FYTTD1: variants seen among roughly 807,000 people sequenced by gnomAD.
The protein encoded by FYTTD1 is UAP56-interacting factor.
A neutral mutation model predicts 40.9 loss-of-function variants in FYTTD1; 22 were observed. The observed-to-expected ratio is 0.54, with a 90% confidence interval of 0.38 to 0.77. The LOEUF is 0.77. FYTTD1 is among the 30% of genes least tolerant of loss of function. The pLI, the probability that FYTTD1 is intolerant of heterozygous loss-of-function variation, is 0.00. For missense variants in FYTTD1, 351 were observed against 392.2 expected, an observed-to-expected ratio of 0.90 and a Z score of 0.89; for synonymous variants, 140 against 137.9, an observed-to-expected ratio of 1.01 and a Z score of -0.10.
chr3:197,772,632 G>T (rs1048899575), intron 4 of FYTTD1, among the ~76,000 whole-genome samples: 5 of 152,140 alleles, frequency 3.3e-5, no homozygotes, highest in African/African-American at 1.2e-4. Flanking sequence ...TATATTTTTT[G>T]AGATGAAGTC....
At chr3:197,774,698 GATC>G (rs1729822587) in intron 6 of FYTTD1, among the ~76,000 whole-genome samples, 1 of 149,468 alleles carries the variant, frequency 6.7e-6, no homozygotes, top group Non-Finnish European at 1.5e-5. Context: ...AGCATAGCTC[GATC>G]GCCAGTGCAC....
intron 2 of FYTTD1, among the ~76,000 whole-genome samples, chr3:197,757,809 C>A (rs1487298344): frequency 6.6e-6 from 1 of 152,214 alleles, no homozygotes; most frequent in Non-Finnish European, 1.5e-5. Context: ...AAAAATTATT[C>A]ATCTCTAATA....
intron 6 of FYTTD1, 35 bp downstream of exon 6, chr3:197,774,245 A>G: frequency 6.5e-7 from 1 of 1,537,140 alleles, no homozygotes; most frequent in Non-Finnish European, 9.0e-7. Flanking sequence ...ATGTTATTTC[A>G]AAACTCCCAG....
chr3:197,756,890 C>G (rs1223905931), intron 2 of FYTTD1, among the ~76,000 whole-genome samples: 3 of 152,200 alleles, frequency 2.0e-5, no homozygotes, highest in Non-Finnish European at 4.4e-5. Flanking sequence ...AACAGTCTGT[C>G]TAATGGATGA....
intron 2 of FYTTD1, among the ~76,000 whole-genome samples, chr3:197,763,910 C>T (rs1418800884): frequency 6.6e-6 from 1 of 152,206 alleles, no homozygotes; most frequent in Non-Finnish European, 1.5e-5. Context: ...CAGCTGTTGT[C>T]AACCTTAGTT....
At position 197,763,194 on chromosome 3, in the gene FYTTD1, A is replaced by G. The variant is rs576458479; in HGVS notation, c.236-5245A>G. Reference sequence around the variant, plus strand: ...TTTGGGAGCCCGAGGTGGGTGGATCACCTGAGGTCAGGAGTTTGAGACCAG... The same window carrying G: ...TTTGGGAGCCCGAGGTGGGTGGATCGCCTGAGGTCAGGAGTTTGAGACCAG... On this transcript the variant is annotated intron_variant, in intron 2 of 8. Transcript: ENST00000241502. Among the ~76,000 whole-genome samples the G allele has an allele frequency of 1.5e-3, 227 of 151,782 alleles. 8 individuals are homozygous for G. The South Asian group carries it at 0.038, about 25-fold the overall frequency.
At chr3:197,757,027 C>G (rs910115318) in intron 2 of FYTTD1, among the ~76,000 whole-genome samples, 1 of 152,198 alleles carries the variant, frequency 6.6e-6, no homozygotes, top group African/African-American at 2.4e-5. Flanking sequence ...AAAGCAAATT[C>G]TCTTTTGTAT....
chr3:197,753,136 A>T (rs550510601), intron 1 of FYTTD1, among the ~76,000 whole-genome samples: 90 of 152,236 alleles, frequency 5.9e-4, no homozygotes, highest in Middle Eastern at 6.8e-3. Context: ...CAGAAATGGG[A>T]TGAAGAGATC....
intron 1 of FYTTD1, chr3:197,750,499 TC>T (rs1728983870): frequency 1.0e-6 from 1 of 987,098 alleles, no homozygotes; most frequent in South Asian, 4.7e-5. Flanking sequence ...ACCGAGCCGT[TC>T]TCTCTGAAGA....
intron 1 of FYTTD1, chr3:197,750,487 C>T (rs1728982648): frequency 2.0e-6 from 2 of 989,594 alleles, no homozygotes; most frequent in East Asian, 1.1e-4. Context: ...GGGAATGGTC[C>T]GACCGAGCCG....
At chr3:197,764,893 C>G (rs78960696) in intron 2 of FYTTD1, among the ~76,000 whole-genome samples, 4,031 of 151,338 alleles carry the variant, frequency 0.027, 157 homozygotes, top group African/African-American at 0.091. Flanking sequence ...CCCTGTCACC[C>G]AGGCTGGAGT....
chr3:197,750,096 A>G (rs770931042), intron 1 of FYTTD1, 22 bp downstream of exon 1: 12 of 1,526,448 alleles, frequency 7.9e-6, no homozygotes, highest in Non-Finnish European at 9.8e-6. Context: ...AGTTGGACCG[A>G]GTTGGAGTGC....
At chr3:197,762,671 G>T (rs1188041088) in intron 2 of FYTTD1, among the ~76,000 whole-genome samples, 1 of 151,610 alleles carries the variant, frequency 6.6e-6, no homozygotes, top group Non-Finnish European at 1.5e-5. Flanking sequence ...TCATGAGATC[G>T]GGAGATCGAG....
rs1261699119 is a variant in FYTTD1, at chr3:197,786,787, A to G, written c.*4878A>G. 1 of 152,128 alleles carries G rather than the reference A, an allele frequency of 6.6e-6. No individual in the cohort carries two copies. Among genetic ancestry groups the G allele is most frequent in the African/African-American group, 2.4e-5 (1 of 41,422 alleles). 9.4% of individuals were successfully genotyped at this position (152,128 alleles called of 1,614,324 possible). On this transcript the variant is annotated 3_prime_UTR_variant, in exon 9 of 9. Coordinates refer to ENST00000241502, the MANE Select transcript of FYTTD1 (RefSeq NM_032288.7). ...ATTCATACTGCTTGGAGTTTATAAAAGCGGAGTTTTTTTATTTTTTGAGAC... is the reference window on the plus strand; with the variant it reads ...ATTCATACTGCTTGGAGTTTATAAAGGCGGAGTTTTTTTATTTTTTGAGAC...
chr3:197,776,924 T>C lies in FYTTD1; in HGVS notation c.657-3T>C, dbSNP rs767906479. On this transcript the variant is annotated splice_polypyrimidine_tract_variant and splice_region_variant and intron_variant, in intron 6 of 8. Transcript: ENST00000241502. Reference sequence around the variant, plus strand: ...GAATTTTTTTTATTTTTTTTGAAACTAGATGGCGGACTTCCACCACAAATG... The same window carrying C: ...GAATTTTTTTTATTTTTTTTGAAACCAGATGGCGGACTTCCACCACAAATG... 45 of 1,598,152 alleles carry C rather than the reference T, an allele frequency of 2.8e-5. No homozygotes were observed. The highest frequency in any genetic ancestry group is 1.2e-4 in the South Asian group (11 of 90,174).
rs1730048002 is a variant in FYTTD1 at position 197,782,228 on chromosome 3, G to C, written c.*319G>C. ...GAAATTGATTATTTTTATGATAGCA[G>C]TATTCAGGATCTCATCACCTTTGCC... is the stretch of plus-strand genomic sequence containing the variant. On this transcript the variant is annotated 3_prime_UTR_variant, in exon 9 of 9. Transcript: ENST00000241502. 1 of 170,594 alleles carries C rather than the reference G, an allele frequency of 5.9e-6. No individual in the cohort carries two copies. The highest frequency in any genetic ancestry group is 1.2e-5 in the Non-Finnish European group (1 of 80,390). The allele number at this position is 170,594 out of a possible 1,614,324, so 10.6% of individuals were successfully genotyped here. A position where few individuals can be genotyped will look rare whatever the true frequency, so the allele number is the denominator to read the frequency against.
At chr3:197,758,496 A>C (rs752541328) in intron 2 of FYTTD1, among the ~76,000 whole-genome samples, 6 of 152,214 alleles carry the variant, frequency 3.9e-5, no homozygotes, top group Non-Finnish European at 8.8e-5. Context: ...TGTAAGAGAA[A>C]TTCAAATAGT....
chr3:197,780,107 C>T lies in FYTTD1; in HGVS notation c.858+1643C>T, dbSNP rs116621956. Among the ~76,000 whole-genome samples the T allele has an allele frequency of 5.0e-3, 719 of 144,752 alleles. 12 individuals are homozygous for T. The highest frequency in any genetic ancestry group is 0.018 in the African/African-American group (675 of 36,768). The allele number at this position is 144,752 out of a possible 152,430, so 95.0% of individuals were successfully genotyped here. On this transcript the variant is annotated intron_variant, in intron 8 of 8. Coordinates refer to ENST00000241502, the MANE Select transcript of FYTTD1 (RefSeq NM_032288.7). ...GATACAGGCACACACACCACCACAC[C>T]TGGGGATATAGGCACACACATCAGC...
chr3:197,773,309 G>A, intron 4 of FYTTD1, 94 bp from the exon 5 acceptor site: 1 of 632,138 alleles, frequency 1.6e-6, no homozygotes, highest in Non-Finnish European at 2.8e-6. Context: ...CCTCATGTTT[G>A]CAGCCTATGA....
Sources: allele counts gnomAD v4.1 joint callset (sites outside exome capture counted in the v4.1 genomes callset), GRCh38; gene constraint gnomAD v4.1.1; transcripts MANE v1.5; gene names NCBI Gene and HGNC (gene_info 2026-07-23, HGNC 2026-07-21).